Variants in PCDH15 observed in about 807,000 individuals in gnomAD.
The protein encoded by PCDH15 is protocadherin-15.
Under a neutral mutation model 178.5 loss-of-function variants are expected in PCDH15, and 129 were observed. That is an observed-to-expected ratio of 0.72 (90% CI 0.63 to 0.84). The LOEUF is 0.84. PCDH15 is among the 40% of genes least tolerant of loss of function. The pLI is 0.00. For synonymous variants in PCDH15, 800 were observed against 732.0 expected, an observed-to-expected ratio of 1.09 and a Z score of -1.50; for missense variants, 2,230 against 2,099.9, an observed-to-expected ratio of 1.06 and a Z score of -1.21.
chr10:55,627,056 G>C lies in PCDH15; in HGVS notation c.-156+569C>G, dbSNP rs533430389. 2.0e-5 allele frequency among the ~76,000 whole-genome samples: 3 copies of C among 152,268 alleles called. No homozygotes were observed. In the South Asian group the frequency reaches 6.2e-4, roughly 32 times the overall value. ...AGAGACAGAAAGAGAGCTAGAGCTAGAGATAACGATGAGAGAGATAAAGGA... is the reference window on the plus strand; with the variant it reads ...AGAGACAGAAAGAGAGCTAGAGCTACAGATAACGATGAGAGAGATAAAGGA... On this transcript the variant is annotated intron_variant, in intron 2 of 5. Coordinates refer to the PCDH15 transcript ENST00000613346.
At chr10:55,417,036 C>T (rs1457906718) in intron 2 of PCDH15, among the ~76,000 whole-genome samples, 1 of 151,708 alleles carries the variant, frequency 6.6e-6, no homozygotes, top group African/African-American at 2.4e-5. Flanking sequence ...AGCACTCATG[C>T]TGAGCTTTTG....
intron 1 of PCDH15, among the ~76,000 whole-genome samples, chr10:55,310,969 C>A (rs754248382): frequency 6.6e-6 from 1 of 152,034 alleles, no homozygotes; most frequent in Non-Finnish European, 1.5e-5. Flanking sequence ...CATGTGTATA[C>A]CTATGTAACA....
intron 23 of PCDH15, among the ~76,000 whole-genome samples, chr10:53,943,596 G>A (rs2086267323): frequency 6.6e-6 from 1 of 151,880 alleles, no homozygotes; most frequent in African/African-American, 2.4e-5. Context: ...TGCACAATTA[G>A]GATAGAAATA....
At chr10:54,151,369 T>C (rs1297762156) in intron 14 of PCDH15, among the ~76,000 whole-genome samples, 2 of 152,094 alleles carry the variant, frequency 1.3e-5, no homozygotes, top group Admixed American at 1.3e-4. Context: ...AGCAAAATTC[T>C]GATTCTACAA....
rs530337125 is a variant in PCDH15 at position 55,111,318 on chromosome 10, T to C, written c.-80+55258A>G. Among the ~76,000 whole-genome samples the C allele has an allele frequency of 1.5e-4, 23 of 152,316 alleles. No individual in the cohort carries two copies. The South Asian group carries it at 4.6e-3, about 30-fold the overall frequency. ...CTAATGGGAAAGTGTACATTGACCA[T>C]ACAACTTTTTAAAATGAAGATAGAT... On this transcript the variant is annotated intron_variant, in intron 2 of 5. Transcript: ENST00000458638.
At chr10:55,331,907 T>C (rs1844209927) in intron 2 of PCDH15, among the ~76,000 whole-genome samples, 2 of 152,124 alleles carry the variant, frequency 1.3e-5, no homozygotes, top group Admixed American at 1.3e-4. Context: ...TCCATGATAA[T>C]GGAAAACAAA....
intron 1 of PCDH15, among the ~76,000 whole-genome samples, chr10:54,734,512 A>T (rs1425332409): frequency 1.3e-5 from 2 of 151,890 alleles, no homozygotes; most frequent in African/African-American, 4.8e-5. Context: ...TTAAAAAGTG[A>T]TCATTTAACT....
intron 3 of PCDH15, among the ~76,000 whole-genome samples, chr10:54,425,617 T>C (rs1298444552): frequency 6.6e-6 from 1 of 152,192 alleles, no homozygotes; most frequent in African/African-American, 2.4e-5. Context: ...TATTTTTTTA[T>C]AGATTCAAAA....
intron 8 of PCDH15, 49 bp from the exon 9 acceptor site, chr10:54,236,980 C>T (rs369612914): frequency 2.7e-5 from 38 of 1,421,684 alleles, no homozygotes; most frequent in Non-Finnish European, 3.4e-5. Context: ...ACTAATACTT[C>T]ATGAAGGATT....
chr10:53,809,546 C>T lies in PCDH15; in HGVS notation c.4671+1010G>A, dbSNP rs763848274. 3.7e-6 allele frequency: 6 copies of T among 1,605,790 alleles called. No individual in the cohort carries two copies. The East Asian group carries it at 6.7e-5, about 18-fold the overall frequency. ...GGTTTTTTAATTTTCTTTGGCTCTT[C>T]CTGAAAATTGTGAAAATGCAATTGA... On this transcript the variant is annotated intron_variant, in intron 37 of 37. Coordinates refer to ENST00000644397, the MANE Select transcript of PCDH15 (RefSeq NM_001384140.1).
Position 54,513,429 on chromosome 10 carries a change from A to G in PCDH15, c.157+14383T>C, listed in dbSNP as rs2081909566. 2.6e-5 allele frequency among the ~76,000 whole-genome samples: 4 copies of G among 151,824 alleles called. No individual in the cohort carries two copies. In the South Asian group the frequency reaches 8.3e-4, roughly 32 times the overall value. On this transcript the variant is annotated intron_variant, in intron 3 of 37. Coordinates refer to ENST00000644397, the MANE Select transcript of PCDH15 (RefSeq NM_001384140.1). ...GTGCACGCCCCCATGCCTGGCTAAA[A>G]TAATATTCAGTCTAATTTTATATGT...
At chr10:55,542,472 T>C (rs1454972292) in intron 2 of PCDH15, among the ~76,000 whole-genome samples, 6 of 150,956 alleles carry the variant, frequency 4.0e-5, no homozygotes, top group Non-Finnish European at 8.9e-5. Context: ...TATTTTAATA[T>C]GCTTAATTTT....
intron 2 of PCDH15, among the ~76,000 whole-genome samples, chr10:55,387,669 C>T (rs529616020): frequency 1.3e-5 from 2 of 152,210 alleles, no homozygotes; most frequent in African/African-American, 4.8e-5. Context: ...AAAACATAGG[C>T]ACTTTAAGAG....
intron 3 of PCDH15, among the ~76,000 whole-genome samples, chr10:54,457,213 C>A (rs2076881907): frequency 6.6e-6 from 1 of 152,192 alleles, no homozygotes; most frequent in African/African-American, 2.4e-5. Context: ...TTGTAGATGA[C>A]TAATTTCAAC....
intron 21 of PCDH15, among the ~76,000 whole-genome samples, chr10:53,974,380 T>C (rs933769549): frequency 1.3e-5 from 2 of 152,118 alleles, no homozygotes; most frequent in African/African-American, 2.4e-5. Flanking sequence ...TAAAATATAC[T>C]TAACTTTAAA....
intron 14 of PCDH15, among the ~76,000 whole-genome samples, chr10:54,139,372 G>T (rs903639402): frequency 6.6e-6 from 1 of 152,030 alleles, no homozygotes; most frequent in Non-Finnish European, 1.5e-5. Context: ...GTTTTCAGAA[G>T]AAATCTGGAT....
At chr10:54,957,015 A>G (rs1488442351) in intron 2 of PCDH15, among the ~76,000 whole-genome samples, 1 of 151,422 alleles carries the variant, frequency 6.6e-6, no homozygotes, top group African/African-American at 2.4e-5. Context: ...GGTATGACAG[A>G]AAAAAAATGC....
At chr10:54,208,711 G>A (rs1394261768) in intron 10 of PCDH15, among the ~76,000 whole-genome samples, 2 of 151,898 alleles carry the variant, frequency 1.3e-5, no homozygotes, top group Non-Finnish European at 2.9e-5. Flanking sequence ...GAACTGACTA[G>A]TACGTGTCTG....
chr10:54,929,681 T>C (rs1837720295), intron 2 of PCDH15, among the ~76,000 whole-genome samples: 1 of 152,164 alleles, frequency 6.6e-6, no homozygotes, highest in Non-Finnish European at 1.5e-5. Flanking sequence ...GCCAATAGTT[T>C]AAAAGGAAAT....
Sources: allele counts gnomAD v4.1 joint callset (sites outside exome capture counted in the v4.1 genomes callset), GRCh38; gene constraint gnomAD v4.1.1; transcripts MANE v1.5; gene names NCBI Gene and HGNC (gene_info 2026-07-23, HGNC 2026-07-21).